The following ZNF48 variants were observed in gnomAD, a reference collection of about 807,000 sequenced individuals.
The protein encoded by ZNF48 is zinc finger protein 48.
A neutral mutation model predicts 40.0 loss-of-function variants in ZNF48; 20 were observed. The ratio of observed to expected loss-of-function variants is 0.50; its 90% CI spans 0.35 to 0.73. The LOEUF (loss-of-function observed/expected upper bound fraction) is 0.73. Among genes scored for constraint, ZNF48 ranks in the 30% least tolerant of loss-of-function variants. The pLI is 0.01. For missense variants in ZNF48, 726 were observed against 851.9 expected (o/e 0.85, Z 1.84); for synonymous variants, 298 against 329.7 (o/e 0.90, Z 1.04).
rs1233411334 is a variant in ZNF48, at chr16:30,398,611, C to T, written c.1361C>T (p.Pro454Leu). 1 of 1,609,536 alleles carries T rather than the reference C, an allele frequency of 6.2e-7. No individual in the cohort carries two copies. The highest frequency in any genetic ancestry group is 1.1e-5 in the South Asian group (1 of 90,258). ...PLAGDKPHKC[P>L]ECGKGFRRSS... ...GCGGGCGACAAGCCCCACAAGTGCCCTGAGTGTGGCAAGGGCTTCCGCCGA... is the reference window on the plus strand; with the variant it reads ...GCGGGCGACAAGCCCCACAAGTGCCTTGAGTGTGGCAAGGGCTTCCGCCGA... Residue 454 changes from proline (P) to leucine (L), a missense_variant, in exon 3 of 3, where the codon CCT becomes CTT. Coordinates refer to ENST00000613509, the MANE Select transcript of ZNF48 (RefSeq NM_001214909.2). The surrounding 1 kb of genome is among the most constrained non-coding windows in gnomAD (Gnocchi z 6.6).
intron 1 of ZNF48, chr16:30,379,036 C>G (rs894767954): frequency 6.2e-7 from 1 of 1,613,034 alleles, no homozygotes; most frequent in Admixed American, 1.7e-5. Flanking sequence ...GGCTCGATCG[C>G]GAGCCCCAGG....
chr16:30,388,508 G>A lies in ZNF48; in HGVS notation c.-15-7272G>A, dbSNP rs140145185. Among the ~76,000 whole-genome samples, 908 of 151,436 alleles carry A rather than the reference G, an allele frequency of 6.0e-3. 4 individuals carry two copies. Among genetic ancestry groups the A allele is most frequent in the Non-Finnish European group, 9.8e-3 (667 of 67,858 alleles). On this transcript the variant is annotated intron_variant, in intron 1 of 2. Transcript: ENST00000528032. ...TCCTGGGATTACAGCCACTGCACCC[G>A]GCCCAGGAAGTTATATATTTTAAGC... is the stretch of plus-strand genomic sequence containing the variant.
chr16:30,387,560 A>G (rs1040823920), intron 1 of ZNF48, among the ~76,000 whole-genome samples: 3 of 148,964 alleles, frequency 2.0e-5, no homozygotes, highest in African/African-American at 7.4e-5. Context: ...CCTCTCCAAA[A>G]CAAAACAAAA....
chr16:30,388,030 G>C (rs2049914818), intron 1 of ZNF48, among the ~76,000 whole-genome samples: 1 of 150,780 alleles, frequency 6.6e-6, no homozygotes. Context: ...GCAATGGCGC[G>C]ATCTCGGCTC....
chr16:30,394,422 C>T (rs184994013), upstream of ZNF48: 1 of 152,358 alleles, frequency 6.6e-6, no homozygotes, highest in African/African-American at 2.4e-5. Flanking sequence ...AGAGCGGATA[C>T]TGGGATCTTG....
chr16:30,394,629 TC>T (rs2049965478), upstream of ZNF48: 1 of 152,860 alleles, frequency 6.5e-6, no homozygotes, highest in Admixed American at 6.5e-5. Context: ...CGTCTTTTGT[TC>T]CTCTGCTTCT....
Position 30,399,056 on chromosome 16 carries a change from G to T in ZNF48, c.1806G>T (p.Gly602=). Residue 602 remains glycine, a synonymous_variant, in exon 3 of 3, where the codon GGG becomes GGT. Transcript: ENST00000613509. ...TGGTCCTGACGCCCTTTGGGATAGG[G>T]GATGGTAGGGCAAGGCCCCTCAAGC... is the stretch of plus-strand genomic sequence containing the variant. ...GHLVLTPFGI[G]DGRARPLKQE... The T allele has an allele frequency of 1.2e-6, 2 of 1,610,450 alleles. No homozygotes were observed. The highest frequency in any genetic ancestry group is 1.7e-6 in the Non-Finnish European group (2 of 1,178,010).
chr16:30,394,204 G>A (rs148052917), upstream of ZNF48, among the ~76,000 whole-genome samples: 7 of 152,180 alleles, frequency 4.6e-5, no homozygotes, highest in Admixed American at 2.0e-4. Flanking sequence ...TAATTTCAGT[G>A]ATTTGTGTAC....
chr16:30,398,130 C>T lies in ZNF48; in HGVS notation c.880C>T (p.Gln294Ter). The T allele has an allele frequency of 6.2e-7, 1 of 1,613,688 alleles. No individual in the cohort carries two copies. Among genetic ancestry groups the T allele is most frequent in the Non-Finnish European group, 8.5e-7 (1 of 1,179,750 alleles). Residue 294 changes from glutamine (Q) to a stop codon, truncating the protein, a stop_gained, in exon 3 of 3, where the codon CAG becomes TAG. Coordinates refer to ENST00000613509, the MANE Select transcript of ZNF48 (RefSeq NM_001214909.2). LOFTEE classifies it high-confidence loss of function. This position sits in a 1 kb window ranked among gnomAD's most constrained non-coding sequence, Gnocchi z 6.6. The part of the protein sequence containing the change: ...FVLSCSLLSH[Q>*]RSHLGPKPFG... ...GCTCAGCTGCAGCCTCCTGAGTCACCAGCGTAGTCACTTGGGGCCCAAGCC... is the reference window on the plus strand; with the variant it reads ...GCTCAGCTGCAGCCTCCTGAGTCACTAGCGTAGTCACTTGGGGCCCAAGCC...
At chr16:30,391,039 G>A (rs191410025), upstream of ZNF48, among the ~76,000 whole-genome samples, 1 of 151,894 alleles carries the variant, frequency 6.6e-6, no homozygotes, top group African/African-American at 2.4e-5. Flanking sequence ...GCGCCCGGCC[G>A]AATAAACTTA....
chr16:30,385,234 ATAAG>A (rs2049892485), intron 1 of ZNF48, among the ~76,000 whole-genome samples: 1 of 150,510 alleles, frequency 6.6e-6, no homozygotes, highest in African/African-American at 2.4e-5. Flanking sequence ...AAATAAATAA[ATAAG>A]CAAAGGGCAG....
At chr16:30,378,913 G>T in intron 1 of ZNF48, 2 of 1,145,594 alleles carry the variant, frequency 1.7e-6, no homozygotes, top group Non-Finnish European at 2.5e-6. Flanking sequence ...AGAGAAGTCT[G>T]AGTGGTGAAG....
At chr16:30,394,327 A>T (rs2049963318), upstream of ZNF48, among the ~76,000 whole-genome samples, 1 of 152,170 alleles carries the variant, frequency 6.6e-6, no homozygotes, top group Admixed American at 6.5e-5. Context: ...TTAATGCATA[A>T]ACCACAGTTA....
intron 2 of ZNF48, 145 bp downstream of exon 2, chr16:30,396,018 A>T: frequency 2.4e-6 from 2 of 846,926 alleles, no homozygotes; most frequent in Admixed American, 3.4e-5. Flanking sequence ...TCGGAGCACC[A>T]ACTGTGCGCC....
chr16:30,392,655 G>A (rs1281215927), upstream of ZNF48, among the ~76,000 whole-genome samples: 3 of 152,172 alleles, frequency 2.0e-5, no homozygotes, highest in African/African-American at 7.2e-5. Context: ...CTATTTTACA[G>A]TTTGGGAAAC....
chr16:30,391,934 C>A (rs1356972016), upstream of ZNF48, among the ~76,000 whole-genome samples: 1 of 151,710 alleles, frequency 6.6e-6, no homozygotes, highest in Non-Finnish European at 1.5e-5. Context: ...ACCTCCCGCG[C>A]CCAAGAGATC....
At chr16:30,392,048 C>T (rs953720564), upstream of ZNF48, among the ~76,000 whole-genome samples, 3 of 151,892 alleles carry the variant, frequency 2.0e-5, no homozygotes, top group Non-Finnish European at 2.9e-5. Context: ...CCTGAGGCGG[C>T]GTATCGCTCT....
exon 1 of ZNF48, chr16:30,378,318 C>G (rs1340425041): frequency 5.8e-6 from 6 of 1,035,356 alleles, no homozygotes; most frequent in African/African-American, 1.6e-5. Context: ...CCCCCTAGCC[C>G]GCGCGAGGGC....
rs1202518745 is a variant in ZNF48, at chr16:30,381,272, G to GCCTCAGGGGGCAGAGACC, written c.-16+2865_-16+2882dup. 6.2e-7 allele frequency: 1 copy of GCCTCAGGGGGCAGAGACC among 1,611,748 alleles called. No homozygotes were observed. Among genetic ancestry groups the GCCTCAGGGGGCAGAGACC allele is most frequent in the Non-Finnish European group, 8.5e-7 (1 of 1,177,984 alleles). ...GCACCCAGGGATTGGTCATTGCCCA[G>GCCTCAGGGGGCAGAGACC]CCTCAGGGGGCAGAGACCCCCCAGC... On this transcript the variant is annotated intron_variant, in intron 1 of 2. Coordinates refer to the ZNF48 transcript ENST00000528032. The surrounding 1 kb of genome is among the most constrained non-coding windows in gnomAD (Gnocchi z 4.3).
Sources: gnomAD v4.1 joint callset for allele counts (sites outside exome capture counted in the v4.1 genomes callset) on GRCh38, gnomAD v4.1.1 for gene constraint, Gnocchi (gnomAD v3.1) non-coding constraint, MANE v1.5 for transcripts, NCBI Gene and HGNC (gene_info 2026-07-23, HGNC 2026-07-21) for gene names.